The following PLXNA4 variants were observed in gnomAD, a reference collection of about 807,000 sequenced individuals.
PLXNA4 encodes plexin-A4.
Under a neutral mutation model 191.8 loss-of-function variants are expected in PLXNA4, and 44 were observed. The ratio of observed to expected loss-of-function variants is 0.23; its 90% CI spans 0.18 to 0.29. The LOEUF is 0.29. PLXNA4 is among the 10% of genes least tolerant of loss of function. The pLI, the probability that PLXNA4 is intolerant of heterozygous loss-of-function variation, is 1.00. For missense variants in PLXNA4, 1,800 were observed against 2,488.8 expected, an observed-to-expected ratio of 0.72 and a Z score of 5.89; for synonymous variants, 1,082 against 1,009.5, an observed-to-expected ratio of 1.07 and a Z score of -1.36.
intron 4 of PLXNA4, among the ~76,000 whole-genome samples, chr7:132,283,687 G>A (rs548991892): frequency 5.9e-5 from 9 of 152,342 alleles, no homozygotes; most frequent in South Asian, 2.1e-4. Flanking sequence ...GCTGGGAAAA[G>A]ATAGTTAAGT....
intron 3 of PLXNA4, among the ~76,000 whole-genome samples, chr7:132,469,310 AG>A (rs1377420898): frequency 1.3e-5 from 2 of 152,266 alleles, no homozygotes; most frequent in East Asian, 1.9e-4. Context: ...CTCACCTTGC[AG>A]GGTTGCTGTG....
chr7:132,464,172 T>TAGCAATACACGTGGTGCTGAGAC (rs1796615144), intron 3 of PLXNA4, among the ~76,000 whole-genome samples: 1 of 152,100 alleles, frequency 6.6e-6, no homozygotes, highest in Non-Finnish European at 1.5e-5. Context: ...GGTGCTGAGA[T>TAGCAATACACGTGGTGCTGAGAC]GCGAAAAATA....
chr7:132,437,943 C>T (rs1795538107), intron 3 of PLXNA4, among the ~76,000 whole-genome samples: 1 of 152,084 alleles, frequency 6.6e-6, no homozygotes, highest in Non-Finnish European at 1.5e-5. Flanking sequence ...TAACTTGAGC[C>T]AAGATTACGC....
In PLXNA4 at chr7:132,179,781, A is replaced by G. The variant is rs200155936; in HGVS notation, c.3780T>C (p.Tyr1260=). 1.2e-6 allele frequency: 2 copies of G among 1,614,056 alleles called. No homozygotes were observed. Among genetic ancestry groups the G allele is most frequent in the African/African-American group, 2.7e-5 (2 of 75,052 alleles). Residue 1260 remains tyrosine, a synonymous_variant, in exon 20 of 32, where the codon TAT becomes TAC. Transcript: ENST00000321063. The stretch of plus-strand genomic sequence containing the variant: ...GGTCACTTTCGCGGGACTTGCGTTT[A>G]TAGGCAATGAGCACGGCCACGATGA... ...IIFIVAVLIA[Y]KRKSRESDLT...
intron 3 of PLXNA4, among the ~76,000 whole-genome samples, chr7:132,451,076 T>C (rs1012863369): frequency 6.6e-6 from 1 of 152,200 alleles, no homozygotes; most frequent in African/African-American, 2.4e-5. Flanking sequence ...CCAGCCACTT[T>C]TGTGAAAATG....
rs1339472114 is a variant in PLXNA4, at chr7:132,312,475, AG to A, written c.1372-14254del. On this transcript the variant is annotated intron_variant, in intron 3 of 31. Coordinates refer to ENST00000321063, the MANE Select transcript of PLXNA4 (RefSeq NM_020911.2). ...GGAAGTCACCAAGAACAAGAGAGTC[AG>A]GGGATGGCACATTAATATTAATGAT... 2.6e-5 allele frequency among the ~76,000 whole-genome samples: 4 copies of A among 152,326 alleles called. No homozygotes were observed. In the East Asian group the frequency reaches 7.7e-4, roughly 29 times the overall value.
intron 3 of PLXNA4, among the ~76,000 whole-genome samples, chr7:132,386,585 C>T (rs1347821405): frequency 6.6e-6 from 1 of 152,212 alleles, no homozygotes; most frequent in African/African-American, 2.4e-5. Flanking sequence ...GGGTGGACAC[C>T]TCTGGGGCCA....
Position 132,124,290 on chromosome 7 carries a change from G to A in PLXNA4, c.*6189C>T, listed in dbSNP as rs771250759. 1.3e-5 allele frequency: 2 copies of A among 152,176 alleles called. No individual in the cohort carries two copies. Among genetic ancestry groups the A allele is most frequent in the East Asian group, 1.9e-4 (1 of 5,194 alleles). The allele number at this position is 152,176 out of a possible 1,614,324, so 9.4% of individuals were successfully genotyped here. A position where few individuals can be genotyped will look rare whatever the true frequency, so the allele number is the denominator to read the frequency against. On this transcript the variant is annotated 3_prime_UTR_variant, in exon 32 of 32. Coordinates refer to ENST00000321063, the MANE Select transcript of PLXNA4 (RefSeq NM_020911.2). ...AACAAGTCAACAAGCTAACTAGAAC[G>A]TCGGGGAGGGAGAGGAAAGGAGGAC...
intron 1 of PLXNA4, among the ~76,000 whole-genome samples, chr7:132,519,493 G>T (rs1396813232): frequency 5.3e-5 from 8 of 152,184 alleles, no homozygotes; most frequent in African/African-American, 1.7e-4. Flanking sequence ...ACAGGCTGGG[G>T]ATAGTCACCT....
intron 4 of PLXNA4, among the ~76,000 whole-genome samples, chr7:132,289,539 A>AT (rs957836491): frequency 3.3e-4 from 50 of 149,588 alleles, no homozygotes; most frequent in South Asian, 4.3e-4. Flanking sequence ...ATTTTTATTT[A>AT]TTTTTTTTTT....
At chr7:132,526,374 C>T (rs1275884363) in intron 1 of PLXNA4, among the ~76,000 whole-genome samples, 2 of 152,168 alleles carry the variant, frequency 1.3e-5, no homozygotes, top group Non-Finnish European at 2.9e-5. Flanking sequence ...CCTCTTAGCA[C>T]AGATGAGAGA....
chr7:132,568,558 T>C (rs1178409135), intron 1 of PLXNA4, among the ~76,000 whole-genome samples: 2 of 152,096 alleles, frequency 1.3e-5, no homozygotes, highest in African/African-American at 4.8e-5. Context: ...ATCTGCTGAG[T>C]CCCACCTGAC....
At chr7:132,593,702 T>C (rs931107162) in intron 2 of PLXNA4, among the ~76,000 whole-genome samples, 2 of 152,128 alleles carry the variant, frequency 1.3e-5, no homozygotes, top group Admixed American at 1.3e-4. Flanking sequence ...AAGGCGTATA[T>C]CCACATGGGC....
intron 3 of PLXNA4, among the ~76,000 whole-genome samples, chr7:132,337,300 C>T (rs770694636): frequency 1.3e-5 from 2 of 152,214 alleles, no homozygotes; most frequent in Non-Finnish European, 2.9e-5. Flanking sequence ...AAGTCACATG[C>T]ACATGCATGT....
chr7:132,191,252 G>T (rs574917946), intron 14 of PLXNA4, among the ~76,000 whole-genome samples: 1 of 152,156 alleles, frequency 6.6e-6, no homozygotes, highest in Non-Finnish European at 1.5e-5. Flanking sequence ...CCGTTGTGAT[G>T]GCAAACAGAA....
intron 10 of PLXNA4, among the ~76,000 whole-genome samples, chr7:132,207,100 G>A (rs1797649420): frequency 6.6e-6 from 1 of 152,222 alleles, no homozygotes; most frequent in Non-Finnish European, 1.5e-5. Context: ...TTGCCGGAAA[G>A]TTCTGCCATT....
chr7:132,619,325 T>C (rs536751496), intron 2 of PLXNA4, among the ~76,000 whole-genome samples: 1 of 152,292 alleles, frequency 6.6e-6, no homozygotes, highest in South Asian at 2.1e-4. Flanking sequence ...GATTATACCA[T>C]ATACATGAAA....
chr7:132,132,433 T>C (rs62469689), intron 31 of PLXNA4, among the ~76,000 whole-genome samples: 4,901 of 81,462 alleles, frequency 0.06, 314 homozygotes, highest in Admixed American at 0.14. Flanking sequence ...TTCTGTTCTG[T>C]TCTGTTCTGT....
At chr7:132,299,798 G>A (rs1372060145) in intron 3 of PLXNA4, among the ~76,000 whole-genome samples, 2 of 152,164 alleles carry the variant, frequency 1.3e-5, no homozygotes, top group African/African-American at 4.8e-5. Flanking sequence ...CTGCCACAGT[G>A]ATTAAGAGAA....
Sources: gnomAD v4.1 joint callset for allele counts (sites outside exome capture counted in the v4.1 genomes callset) on GRCh38, gnomAD v4.1.1 for gene constraint, MANE v1.5 for transcripts, NCBI Gene and HGNC (gene_info 2026-07-23, HGNC 2026-07-21) for gene names.